The following MOXD1 variants were observed in gnomAD, a reference collection of about 807,000 sequenced individuals.
The protein encoded by MOXD1 is monooxygenase DBH like 1, also known as DBH-like monooxygenase protein 1.
A neutral mutation model predicts 66.6 loss-of-function variants in MOXD1; 62 were observed. The ratio of observed to expected loss-of-function variants is 0.93; its 90% CI spans 0.76 to 1.15. The LOEUF (loss-of-function observed/expected upper bound fraction) is 1.15, where lower values mean the gene tolerates loss of function less well. MOXD1 is among the 50% of genes most tolerant of loss of function. The probability of loss-of-function intolerance (pLI) is 0.00; values close to 1 mark genes in which losing one functional copy is unlikely to be tolerated. For synonymous variants in MOXD1, 303 were observed against 281.9 expected (o/e 1.07, Z -0.75); for missense variants, 847 against 754.6 (o/e 1.12, Z -1.44).
intron 4 of MOXD1, among the ~76,000 whole-genome samples, chr6:132,345,131 G>A (rs1045679153): frequency 6.6e-6 from 1 of 152,114 alleles, no homozygotes; most frequent in Non-Finnish European, 1.5e-5. Flanking sequence ...AAGTGGCATC[G>A]AAAAACATCT....
At chr6:132,390,731 G>A (rs1392305640) in intron 1 of MOXD1, 2 of 151,504 alleles carry the variant, frequency 1.3e-5, no homozygotes, top group African/African-American at 2.4e-5. Flanking sequence ...TACAAAATGA[G>A]AGTAATAAGA....
chr6:132,328,664 G>A, intron 4 of MOXD1, 70 bp from the exon 5 acceptor site: 1 of 1,394,626 alleles, frequency 7.2e-7, no homozygotes, highest in East Asian at 2.3e-5. Context: ...CAACAAACGT[G>A]AAACTAGCAT....
chr6:132,297,245 A>T lies in MOXD1; in HGVS notation c.1750T>A (p.Ser584Thr), dbSNP rs1774422876. The T allele has an allele frequency of 6.2e-7, 1 of 1,613,680 alleles. No individual in the cohort carries two copies. Among genetic ancestry groups the T allele is most frequent in the Non-Finnish European group, 8.5e-7 (1 of 1,179,680 alleles). The change falls in exon 12 of 12, where the codon TCT becomes ACT. Residue 584 changes from serine (S) to threonine (T), a missense_variant. Transcript: ENST00000367963. ...TCTCTGTGCAGGGAAGAGGAAGAAG[A>T]CGTGCCACACACCAAAGGTTCTGCT... ...YKAEPLVCGT[S>T]SSSSLHRDFS...
chr6:132,396,391 C>A (rs9493302), intron 1 of MOXD1, among the ~76,000 whole-genome samples: 1 of 151,632 alleles, frequency 6.6e-6, no homozygotes, highest in Non-Finnish European at 1.5e-5. Context: ...GCAGTGCTAA[C>A]AGGAAAGTTT....
At chr6:132,391,402 T>G (rs572115868) in intron 1 of MOXD1, 1 of 152,306 alleles carries the variant, frequency 6.6e-6, no homozygotes, top group African/African-American at 2.4e-5. Context: ...TTTGCAGACA[T>G]TTTTGCGTAT....
chr6:132,298,194 AT>A (rs1429327605), intron 10 of MOXD1, among the ~76,000 whole-genome samples: 1 of 152,042 alleles, frequency 6.6e-6, no homozygotes, highest in Non-Finnish European at 1.5e-5. Flanking sequence ...TTAATTTTAT[AT>A]TTTTTAATAG....
At chr6:132,360,324 T>C (rs1775990860) in intron 4 of MOXD1, among the ~76,000 whole-genome samples, 1 of 152,248 alleles carries the variant, frequency 6.6e-6, no homozygotes, top group Non-Finnish European at 1.5e-5. Flanking sequence ...TTTCCTCATC[T>C]GTAAAATGAA....
intron 9 of MOXD1, among the ~76,000 whole-genome samples, chr6:132,317,184 T>C (rs1359717690): frequency 1.3e-5 from 2 of 152,162 alleles, no homozygotes; most frequent in African/African-American, 4.8e-5. Flanking sequence ...CCAAGAATTC[T>C]GTATCCAGCA....
intron 4 of MOXD1, among the ~76,000 whole-genome samples, chr6:132,347,418 T>C (rs752859852): frequency 3.9e-5 from 6 of 152,210 alleles, no homozygotes; most frequent in Admixed American, 3.3e-4. Flanking sequence ...GGCTCACATC[T>C]GTAATCCCAG....
intron 4 of MOXD1, among the ~76,000 whole-genome samples, chr6:132,329,306 C>T (rs539530584): frequency 1.3e-5 from 2 of 152,226 alleles, no homozygotes; most frequent in African/African-American, 2.4e-5. Flanking sequence ...CGAACTCATC[C>T]GTTTTTATGG....
chr6:132,310,802 C>T (rs771197911), intron 10 of MOXD1, among the ~76,000 whole-genome samples: 31 of 152,006 alleles, frequency 2.0e-4, no homozygotes, highest in Non-Finnish European at 3.1e-4. Context: ...ACAATGAGAA[C>T]GCACGGACAC....
chr6:132,337,585 A>G (rs928829562), intron 4 of MOXD1, among the ~76,000 whole-genome samples: 1 of 152,254 alleles, frequency 6.6e-6, no homozygotes, highest in African/African-American at 2.4e-5. Context: ...TGACTTGATG[A>G]AAGAGGTAAC....
At chr6:132,351,662 A>G (rs553332398) in intron 4 of MOXD1, among the ~76,000 whole-genome samples, 1 of 152,280 alleles carries the variant, frequency 6.6e-6, no homozygotes, top group South Asian at 2.1e-4. Context: ...TCATAGAATG[A>G]ATTAGGGAGG....
chr6:132,308,842 A>G (rs1774756944), intron 10 of MOXD1, among the ~76,000 whole-genome samples: 1 of 152,192 alleles, frequency 6.6e-6, no homozygotes, highest in Non-Finnish European at 1.5e-5. Context: ...GAAAACTCTC[A>G]ATAAACAAGG....
intron 4 of MOXD1, among the ~76,000 whole-genome samples, chr6:132,331,013 G>T (rs543085679): frequency 1.4e-4 from 22 of 152,270 alleles, no homozygotes; most frequent in African/African-American, 5.3e-4. Context: ...TCTCTAAAAG[G>T]TCGTGTGGCC....
intron 2 of MOXD1, 39 bp downstream of exon 2, chr6:132,374,592 C>G: frequency 6.3e-7 from 1 of 1,593,592 alleles, no homozygotes; most frequent in South Asian, 1.1e-5. Context: ...TGTAAATATA[C>G]AATTTGTTCA....
At position 132,335,830 on chromosome 6, in the gene MOXD1, G is replaced by A. The variant is rs187061606; in HGVS notation, c.664-7236C>T. On this transcript the variant is annotated intron_variant, in intron 4 of 11. Transcript: ENST00000367963. Reference sequence around the variant, plus strand: ...TTGTCCCTGTCATTGTTTGTGACACGAACTCATCAACTCATCACAAATACA... The same window carrying A: ...TTGTCCCTGTCATTGTTTGTGACACAAACTCATCAACTCATCACAAATACA... Among the ~76,000 whole-genome samples the A allele has an allele frequency of 6.0e-3, 921 of 152,280 alleles. 10 individuals are homozygous for A. The highest frequency in any genetic ancestry group is 0.024 in the Middle Eastern group (7 of 294).
chr6:132,393,564 C>T (rs1295159920), intron 1 of MOXD1, among the ~76,000 whole-genome samples: 2 of 152,140 alleles, frequency 1.3e-5, no homozygotes, highest in Non-Finnish European at 2.9e-5. Context: ...TAGGAGAGCC[C>T]CTGGACTCTC....
chr6:132,376,715 G>A (rs1261931382), intron 1 of MOXD1, among the ~76,000 whole-genome samples: 1 of 65,230 alleles, frequency 1.5e-5, no homozygotes, highest in Non-Finnish European at 2.3e-5. Context: ...GGGTTTCACC[G>A]TTTTAGCCAG....
Sources: allele counts gnomAD v4.1 joint callset (sites outside exome capture counted in the v4.1 genomes callset), GRCh38; gene constraint gnomAD v4.1.1; transcripts MANE v1.5; gene names NCBI Gene and HGNC (gene_info 2026-07-23, HGNC 2026-07-21).